EYS: variants seen among roughly 807,000 people sequenced by gnomAD.
EYS encodes protein eyes shut homolog.
Under a neutral mutation model 282.1 loss-of-function variants are expected in EYS, and 250 were observed. That is an observed-to-expected ratio of 0.89 (90% confidence interval 0.80 to 0.98). EYS has a LOEUF of 0.98. Among genes scored for constraint, EYS ranks in the 50% least tolerant of loss-of-function variants. The pLI is 0.00. For synonymous variants in EYS, 1,355 were observed against 1,282.9 expected (o/e 1.06, Z -1.20); for missense variants, 4,016 against 3,709.0 (o/e 1.08, Z -2.15).
At chr6:64,678,302 G>A (rs1769764430) in intron 22 of EYS, among the ~76,000 whole-genome samples, 1 of 152,214 alleles carries the variant, frequency 6.6e-6, no homozygotes, top group Admixed American at 6.5e-5. Context: ...AATACGCCAG[G>A]TGCGGTGGCT....
At chr6:63,977,400 A>G (rs955014522) in intron 35 of EYS, among the ~76,000 whole-genome samples, 2 of 152,050 alleles carry the variant, frequency 1.3e-5, no homozygotes, top group Non-Finnish European at 2.9e-5. Context: ...GTGCTATCAA[A>G]CACTAGAGCT....
chr6:64,386,860 G>C (rs931596011), intron 29 of EYS, among the ~76,000 whole-genome samples: 6 of 151,962 alleles, frequency 3.9e-5, no homozygotes, highest in African/African-American at 1.5e-4. Context: ...TTCTTACGAT[G>C]TAGTCCTAAC....
intron 2 of EYS, among the ~76,000 whole-genome samples, chr6:65,503,403 T>C (rs1276606288): frequency 6.6e-6 from 1 of 151,678 alleles, no homozygotes; most frequent in Non-Finnish European, 1.5e-5. Flanking sequence ...TTTCTCCAAG[T>C]AGTTATTTTT....
chr6:64,931,685 T>C (rs114912791), intron 15 of EYS, among the ~76,000 whole-genome samples: 1,594 of 152,204 alleles, frequency 0.01, 15 homozygotes, highest in African/African-American at 0.037. Flanking sequence ...GTGAACTATA[T>C]ATAAAAAAGT....
At chr6:65,629,774 A>G (rs1766848563) in intron 2 of EYS, among the ~76,000 whole-genome samples, 1 of 152,064 alleles carries the variant, frequency 6.6e-6, no homozygotes, top group South Asian at 2.1e-4. Flanking sequence ...TGGTGTATTG[A>G]TTTGTCTTGT....
rs1391514866 is a variant in EYS at position 64,301,888 on chromosome 6, C to T, written c.6191+5082G>A. ...CTCCATTGTTCTGGGTTTACTAGCA[C>T]TCAAAAAGCTGAGGTTGGGGCCTTA... On this transcript the variant is annotated intron_variant, in intron 30 of 42. Coordinates refer to ENST00000503581, the MANE Select transcript of EYS (RefSeq NM_001142800.2). Among the ~76,000 whole-genome samples, 4 of 152,284 alleles carry T rather than the reference C, an allele frequency of 2.6e-5. No homozygotes were observed. The East Asian group carries it at 7.7e-4, about 29-fold the overall frequency.
chr6:64,093,662 G>C (rs568426243), intron 31 of EYS, among the ~76,000 whole-genome samples: 2 of 152,144 alleles, frequency 1.3e-5, no homozygotes, highest in Non-Finnish European at 2.9e-5. Flanking sequence ...GGGCTGAGAT[G>C]ATGGGGTTTT....
intron 16 of EYS, among the ~76,000 whole-genome samples, chr6:64,906,817 T>C (rs1767842031): frequency 6.6e-6 from 1 of 152,170 alleles, no homozygotes; most frequent in African/African-American, 2.4e-5. Flanking sequence ...GATAGGGTAA[T>C]TTTTTGCCTA....
At chr6:63,781,694 A>G (rs925201458) in intron 39 of EYS, among the ~76,000 whole-genome samples, 15 of 152,230 alleles carry the variant, frequency 9.9e-5, no homozygotes, top group Non-Finnish European at 2.1e-4. Flanking sequence ...GTCATCTGCA[A>G]ACAGGGACAA....
intron 12 of EYS, among the ~76,000 whole-genome samples, chr6:65,179,380 C>T (rs1562007015): frequency 6.6e-6 from 1 of 151,876 alleles, no homozygotes; most frequent in Non-Finnish European, 1.5e-5. Flanking sequence ...AAGGGGATAC[C>T]ACCACCAATC....
At chr6:64,311,619 TC>T (rs1769706780) in intron 29 of EYS, among the ~76,000 whole-genome samples, 1 of 152,136 alleles carries the variant, frequency 6.6e-6, no homozygotes, top group Non-Finnish European at 1.5e-5. Flanking sequence ...GGTGTGCAGC[TC>T]CCATCAAGAT....
intron 28 of EYS, among the ~76,000 whole-genome samples, chr6:64,420,559 C>A (rs1475457703): frequency 6.6e-6 from 1 of 152,320 alleles, no homozygotes; most frequent in South Asian, 2.1e-4. Context: ...AGCTTACACC[C>A]TCTGAAGCCA....
chr6:63,871,311 T>C (rs1772797965), intron 35 of EYS, among the ~76,000 whole-genome samples: 1 of 152,186 alleles, frequency 6.6e-6, no homozygotes, highest in Non-Finnish European at 1.5e-5. Flanking sequence ...AGAATTATTA[T>C]TCTGGGGAAA....
At chr6:64,669,093 G>A (rs938998103) in intron 22 of EYS, among the ~76,000 whole-genome samples, 7 of 151,958 alleles carry the variant, frequency 4.6e-5, no homozygotes, top group Admixed American at 1.3e-4. Flanking sequence ...GCATTTTAAC[G>A]TGGCCTTTAT....
intron 8 of EYS, among the ~76,000 whole-genome samples, chr6:65,360,054 G>A (rs1287511800): frequency 6.6e-6 from 1 of 151,844 alleles, no homozygotes; most frequent in Admixed American, 6.6e-5. Context: ...TTCAATGGAA[G>A]TTTTAATTGA....
At chr6:64,815,524 G>A (rs1326614653) in intron 21 of EYS, among the ~76,000 whole-genome samples, 1 of 151,992 alleles carries the variant, frequency 6.6e-6, no homozygotes. Flanking sequence ...AAATACAAAG[G>A]CAATTTCTTT....
intron 34 of EYS, among the ~76,000 whole-genome samples, chr6:63,994,455 A>G (rs1485369547): frequency 1.3e-5 from 2 of 151,920 alleles, no homozygotes; most frequent in Non-Finnish European, 2.9e-5. Flanking sequence ...CTAGTAACTG[A>G]GAGACGAGAG....
intron 26 of EYS, among the ~76,000 whole-genome samples, chr6:64,575,534 G>A (rs1765855263): frequency 6.6e-6 from 1 of 152,078 alleles, no homozygotes; most frequent in African/African-American, 2.4e-5. Context: ...GCGAGCTAGT[G>A]AAACATTAAA....
intron 33 of EYS, among the ~76,000 whole-genome samples, chr6:64,026,520 G>A (rs1769521927): frequency 6.6e-6 from 1 of 151,746 alleles, no homozygotes; most frequent in Non-Finnish European, 1.5e-5. Flanking sequence ...GCCACCTGAG[G>A]GAAGCACAAA....
Sources: gnomAD v4.1 joint callset for allele counts (sites outside exome capture counted in the v4.1 genomes callset) on GRCh38, gnomAD v4.1.1 for gene constraint, MANE v1.5 for transcripts, NCBI Gene and HGNC (gene_info 2026-07-23, HGNC 2026-07-21) for gene names.